The following RABEP1 variants were observed in gnomAD, a reference collection of about 807,000 sequenced individuals.
The protein encoded by RABEP1 is rab GTPase-binding effector protein 1.
In RABEP1, 51 loss-of-function variants were observed where a neutral mutation model predicts 123.4. The ratio of observed to expected loss-of-function variants is 0.41; its 90% CI spans 0.33 to 0.52. The LOEUF (loss-of-function observed/expected upper bound fraction) is 0.52. Ranked by LOEUF, RABEP1 falls within the 20% of genes least tolerant of loss-of-function variation. RABEP1 has a pLI of 0.16. For synonymous variants in RABEP1, 347 were observed against 355.2 expected (o/e 0.98, Z 0.26); for missense variants, 888 against 996.3 (o/e 0.89, Z 1.46).
Position 5,383,196 on chromosome 17 carries a change from A to G in RABEP1, c.2562A>G (p.Thr854=). ...IRAILNDTKL[T]DINQLPET ...CAATTCTGAATGATACTAAACTGAC[A>G]GACATTAACCAGCTTCCTGAGACAT... The change falls in exon 18 of 18, where the codon ACA becomes ACG. Residue 854 remains threonine (T), a synonymous_variant. Coordinates refer to ENST00000537505, the MANE Select transcript of RABEP1 (RefSeq NM_004703.6). The G allele has an allele frequency of 6.2e-7, 1 of 1,614,170 alleles. No homozygotes were observed. The highest frequency in any genetic ancestry group is 8.5e-7 in the Non-Finnish European group (1 of 1,180,014).
At chr17:5,354,977 G>A (rs1908892298) in intron 8 of RABEP1, among the ~76,000 whole-genome samples, 1 of 152,192 alleles carries the variant, frequency 6.6e-6, no homozygotes, top group African/African-American at 2.4e-5. Flanking sequence ...GGAATGGGTA[G>A]AGTAGAGAGA....
In RABEP1 at chr17:5,377,262, A is replaced by G. The variant is rs369161618; in HGVS notation, c.2172A>G (p.Glu724=). The G allele has an allele frequency of 1.3e-6, 2 of 1,593,284 alleles. No homozygotes were observed. The highest frequency in any genetic ancestry group is 2.7e-5 in the African/African-American group (2 of 73,162). Residue 724 remains glutamate, a synonymous_variant, in exon 14 of 18, where the codon GAA becomes GAG. Transcript: ENST00000537505. ...QAEQCLKENL[E]ETLQLEIENC... The stretch of plus-strand genomic sequence containing the variant: ...AACAGTGTTTAAAAGAAAATCTTGA[A>G]GAAACTCTGCAACTAGAAATAGAAA...
At chr17:5,381,555 A>T (rs1300760107) in intron 17 of RABEP1, 50 bp downstream of exon 17, 1 of 1,579,696 alleles carries the variant, frequency 6.3e-7, no homozygotes, top group Non-Finnish European at 8.6e-7. Context: ...GTTTTGGGGG[A>T]CAGAACCTTG....
intron 2 of RABEP1, among the ~76,000 whole-genome samples, chr17:5,315,294 A>G (rs1191130828): frequency 2.6e-5 from 4 of 152,232 alleles, no homozygotes; most frequent in Non-Finnish European, 4.4e-5. Context: ...TAATAGATTT[A>G]ACCAGTAGAG....
intron 2 of RABEP1, among the ~76,000 whole-genome samples, chr17:5,327,764 A>G (rs1906125346): frequency 6.6e-6 from 1 of 152,234 alleles, no homozygotes; most frequent in African/African-American, 2.4e-5. Context: ...AATAGACAAA[A>G]GTAGGCAAAA....
chr17:5,318,387 A>G (rs756998188), intron 2 of RABEP1, among the ~76,000 whole-genome samples: 6 of 152,122 alleles, frequency 3.9e-5, no homozygotes, highest in Non-Finnish European at 8.8e-5. Flanking sequence ...TTATATCTCA[A>G]TGAAGTTGTT....
chr17:5,322,141 A>T (rs554877314), intron 2 of RABEP1, among the ~76,000 whole-genome samples: 1 of 152,210 alleles, frequency 6.6e-6, no homozygotes, highest in South Asian at 2.1e-4. Flanking sequence ...CGGAGGTTGC[A>T]GTGAGCTGAG....
intron 2 of RABEP1, among the ~76,000 whole-genome samples, 156 bp from the exon 3 acceptor site, chr17:5,331,789 CAATT>C (rs1338675564): frequency 6.6e-6 from 1 of 152,116 alleles, no homozygotes; most frequent in Non-Finnish European, 1.5e-5. Context: ...TAGATAGTAA[CAATT>C]GATTTGTGAT....
chr17:5,336,464 A>G (rs1907094379), intron 4 of RABEP1: 1 of 470,234 alleles, frequency 2.1e-6, no homozygotes, highest in Admixed American at 2.4e-5. Flanking sequence ...GTTTTTACCT[A>G]ATGTCCTTTT....
chr17:5,374,570 G>A (rs1046835944), intron 13 of RABEP1, among the ~76,000 whole-genome samples: 2 of 151,800 alleles, frequency 1.3e-5, no homozygotes, highest in Non-Finnish European at 2.9e-5. Flanking sequence ...CCGAGTAGCT[G>A]GGATTACAGG....
intron 4 of RABEP1, 125 bp downstream of exon 4, chr17:5,335,469 C>A: frequency 1.2e-6 from 1 of 804,874 alleles, no homozygotes; most frequent in Non-Finnish European, 1.9e-6. Context: ...TATTTGGACA[C>A]AGACCTAAAC....
Position 5,304,047 on chromosome 17 carries a change from T to A in RABEP1, c.35-4647T>A, listed in dbSNP as rs75477055. Among the ~76,000 whole-genome samples the A allele has an allele frequency of 4.0e-3, 260 of 64,584 alleles. 4 individuals are homozygous for A. Among genetic ancestry groups the A allele is most frequent in the Non-Finnish European group, 9.1e-3 (155 of 17,080 alleles). 42.4% of individuals were successfully genotyped at this position (64,584 alleles called of 152,430 possible). ...GAAATTCCATCTCAAAAAAAAAAAA[T>A]AAATAAAAATTTATTATATTGTTTT... On this transcript the variant is annotated intron_variant, in intron 1 of 17. Transcript: ENST00000537505.
intron 5 of RABEP1, among the ~76,000 whole-genome samples, chr17:5,340,311 G>T (rs2144621373): frequency 6.6e-6 from 1 of 152,226 alleles, no homozygotes; most frequent in South Asian, 2.1e-4. Flanking sequence ...TCTCAACTGT[G>T]AAATGGGGAT....
chr17:5,323,906 T>G (rs1300580692), intron 2 of RABEP1, among the ~76,000 whole-genome samples: 1 of 146,924 alleles, frequency 6.8e-6, no homozygotes. Context: ...AAGCGAAAGA[T>G]CTGTAAAACA....
chr17:5,282,381 G>A lies in RABEP1; in HGVS notation c.-106G>A. The A allele has an allele frequency of 1.1e-6, 1 of 921,284 alleles. No individual in the cohort carries two copies. Among genetic ancestry groups the A allele is most frequent in the Non-Finnish European group, 1.5e-6 (1 of 684,086 alleles). 57.1% of individuals were successfully genotyped at this position (921,284 alleles called of 1,614,324 possible). ...AGCCTTAGCGGTTTCTCTCTGGGCG[G>A]CGGCGGCGGCGGCTCGGTTGACGCC... On this transcript the variant is annotated 5_prime_UTR_variant, in exon 1 of 18. Transcript: ENST00000537505.
Position 5,380,425 on chromosome 17 carries a change from G to C in RABEP1, c.2333G>C (p.Ser778Thr). ...QLESLQEIKI[S>T]LEEQLKKETA... ...GAGAGTCTTCAGGAAATAAAGATCA[G>C]TTTGGAAGAGCAGTTAAAGAAAGAG... Residue 778 changes from serine (S) to threonine (T), a missense_variant, in exon 16 of 18, where the codon AGT becomes ACT. By Grantham distance (58) the Ser-to-Thr change is moderately conservative (BLOSUM62 1). Transcript: ENST00000537505. 1 of 1,567,680 alleles carries C rather than the reference G, an allele frequency of 6.4e-7. No homozygotes were observed. The highest frequency in any genetic ancestry group is 1.7e-4 in the Middle Eastern group (1 of 5,998).
chr17:5,293,555 T>A (rs2075052937), intron 1 of RABEP1, among the ~76,000 whole-genome samples: 1 of 152,044 alleles, frequency 6.6e-6, no homozygotes, highest in African/African-American at 2.4e-5. Flanking sequence ...TATAGGCACA[T>A]GCCACCATGC....
intron 8 of RABEP1, among the ~76,000 whole-genome samples, chr17:5,357,715 G>C (rs530117842): frequency 6.6e-6 from 1 of 152,218 alleles, no homozygotes; most frequent in South Asian, 2.1e-4. Context: ...TGATGACATA[G>C]GGAGTTCAAT....
rs2075217795 is a variant in RABEP1, at chr17:5,309,773, A to ATGTGAATGTAGTTTCCACAGCTC, written c.163+953_163+975dup. Among the ~76,000 whole-genome samples the ATGTGAATGTAGTTTCCACAGCTC allele has an allele frequency of 2.0e-5, 3 of 152,168 alleles. No homozygotes were observed. The South Asian group carries it at 6.2e-4, about 31-fold the overall frequency. ...ACCTTCTGAGTATCGACCTAGAATA[A>ATGTGAATGTAGTTTCCACAGCTC]TGTGAATGTAGTTTCCACAGCTCTC... is the stretch of plus-strand genomic sequence containing the variant. On this transcript the variant is annotated intron_variant, in intron 2 of 17. Transcript: ENST00000537505.
Sources: allele counts gnomAD v4.1 joint callset (sites outside exome capture counted in the v4.1 genomes callset), GRCh38; gene constraint gnomAD v4.1.1; transcripts MANE v1.5; gene names NCBI Gene and HGNC (gene_info 2026-07-23, HGNC 2026-07-21).